The following B4GALT1 variants were observed in gnomAD, a reference collection of about 807,000 sequenced individuals.
B4GALT1 encodes beta-1,4-galactosyltransferase 1.
In B4GALT1, 16 loss-of-function variants were observed where a neutral mutation model predicts 34.9. That is an observed-to-expected ratio of 0.46 (90% CI 0.31 to 0.70). The LOEUF is 0.70. Among genes scored for constraint, B4GALT1 ranks in the 30% least tolerant of loss-of-function variants. B4GALT1 has a pLI of 0.05. For missense variants in B4GALT1, 445 were observed against 530.5 expected (o/e 0.84, Z 1.58); for synonymous variants, 221 against 218.1 (o/e 1.01, Z -0.12).
rs761815137 is a variant in B4GALT1, at chr9:33,115,999, A to G, written c.951T>C (p.Ile317=). 1.2e-6 allele frequency: 2 copies of G among 1,611,558 alleles called. No individual in the cohort carries two copies. Among genetic ancestry groups the G allele is most frequent in the South Asian group, 2.2e-5 (2 of 91,038 alleles). The change falls in exon 4 of 6, where the codon ATT becomes ATC. Residue 317 remains isoleucine, a synonymous_variant. Transcript: ENST00000379731. ...TAAGTTATGACCATTACCTGTTAAA[A>G]ATGTCATCATCTTCTCCTCCCCAGC... ...YWGWGGEDDD[I]FNRLVFRGMS... is the part of the protein sequence containing the mutation.
rs1350562437 is a variant in B4GALT1 at position 33,152,241 on chromosome 9, T to G, written c.412+14517A>C. ...ATCGCTTGAACCCAGGAGGCAGAGG[T>G]TGCAGTGAGCCGAGATTTCACCACT... On this transcript the variant is annotated intron_variant, in intron 1 of 5. Transcript: ENST00000379731. Among the ~76,000 whole-genome samples the G allele has an allele frequency of 2.6e-5, 4 of 151,580 alleles. No individual in the cohort carries two copies. The East Asian group carries it at 7.8e-4, about 29-fold the overall frequency.
intron 1 of B4GALT1, among the ~76,000 whole-genome samples, chr9:33,161,565 T>C (rs1415629005): frequency 6.6e-6 from 1 of 152,138 alleles, no homozygotes; most frequent in Non-Finnish European, 1.5e-5. Flanking sequence ...TCCCATGCCT[T>C]GTTAATTCCC....
In B4GALT1 at chr9:33,135,331, G is replaced by C; in HGVS notation, c.506C>G (p.Pro169Arg). The C allele has an allele frequency of 6.2e-7, 1 of 1,614,188 alleles. No homozygotes were observed. The highest frequency in any genetic ancestry group is 8.5e-7 in the Non-Finnish European group (1 of 1,180,032). ...CTTGTGAGGAGAGACGCAGTCCCTG[G>C]GGGCATAGCGGCCGCCCATCTTCAC... is the stretch of plus-strand genomic sequence containing the variant. ...PNVKMGGRYA[P>R]RDCVSPHKVA... The change falls in exon 2 of 6, where the codon CCC (proline) becomes CGC (arginine). Residue 169 changes from proline (P) to arginine (R), a missense_variant. Physicochemically the swap from Pro to Arg is moderately radical, Grantham distance 103. Transcript: ENST00000379731.
intron 1 of B4GALT1, among the ~76,000 whole-genome samples, chr9:33,145,258 T>C (rs1357166021): frequency 6.6e-6 from 1 of 152,134 alleles, no homozygotes; most frequent in African/African-American, 2.4e-5. Context: ...AGGCCTAGCA[T>C]CTGACACTTT....
intron 1 of B4GALT1, among the ~76,000 whole-genome samples, chr9:33,150,320 C>T (rs547326139): frequency 1.6e-3 from 244 of 148,572 alleles, no homozygotes; most frequent in African/African-American, 5.7e-3. Flanking sequence ...AAAATGTTAA[C>T]ATTTAGGGAC....
At chr9:33,146,303 C>T (rs1840424367) in intron 1 of B4GALT1, among the ~76,000 whole-genome samples, 1 of 152,236 alleles carries the variant, frequency 6.6e-6, no homozygotes. Context: ...GGCCTACTTG[C>T]CTATAAACTC....
intron 1 of B4GALT1, among the ~76,000 whole-genome samples, chr9:33,148,799 A>G (rs538804845): frequency 3.9e-4 from 48 of 124,038 alleles, no homozygotes; most frequent in South Asian, 2.9e-3. Context: ...TGCTGTGCCT[A>G]AAAGTAAAAA....
chr9:33,142,527 A>G lies in B4GALT1; in HGVS notation c.413-7103T>C, dbSNP rs564467363. Among the ~76,000 whole-genome samples, 8 of 152,272 alleles carry G rather than the reference A, an allele frequency of 5.3e-5. No individual in the cohort carries two copies. The South Asian group carries it at 1.7e-3, about 32-fold the overall frequency. ...ATATGTCTTGGGTACACCACACACAAACACAAGTTCAACACCCCCAACACC... is the reference window on the plus strand; with the variant it reads ...ATATGTCTTGGGTACACCACACACAGACACAAGTTCAACACCCCCAACACC... On this transcript the variant is annotated intron_variant, in intron 1 of 5. Coordinates refer to ENST00000379731, the MANE Select transcript of B4GALT1 (RefSeq NM_001497.4).
At chr9:33,178,501 T>C in the B4GALT1 span, among the ~76,000 whole-genome samples, 1 of 152,216 alleles carries the variant, frequency 6.6e-6, no homozygotes, top group Non-Finnish European at 1.5e-5. Flanking sequence ...TTACCATCTA[T>C]ATTTTGTTCT....
chr9:33,145,153 T>C (rs940712421), intron 1 of B4GALT1, among the ~76,000 whole-genome samples: 4 of 152,112 alleles, frequency 2.6e-5, no homozygotes, highest in Non-Finnish European at 5.9e-5. Context: ...AGGCCTTTTG[T>C]TTCTAGGTTT....
intron 1 of B4GALT1, among the ~76,000 whole-genome samples, chr9:33,163,885 C>T (rs1002946494): frequency 4.6e-5 from 7 of 152,134 alleles, no homozygotes; most frequent in Non-Finnish European, 8.8e-5. Flanking sequence ...AGGAAAGGCC[C>T]CCCTTCCCAC....
chr9:33,105,873 C>A (rs955901566), downstream of B4GALT1, among the ~76,000 whole-genome samples: 4 of 123,096 alleles, frequency 3.2e-5, no homozygotes, highest in African/African-American at 1.1e-4. Flanking sequence ...CATCAATGGA[C>A]TCGTGGGTTT....
intron 1 of B4GALT1, among the ~76,000 whole-genome samples, chr9:33,165,270 A>T (rs994657489): frequency 6.6e-6 from 1 of 151,910 alleles, no homozygotes; most frequent in African/African-American, 2.4e-5. Flanking sequence ...GCCCAGCCTG[A>T]GTGCCTGTAT....
chr9:33,179,538 C>T, the B4GALT1 span: 1 of 152,360 alleles, frequency 6.6e-6, no homozygotes, highest in African/African-American at 2.4e-5. Context: ...ACTGAACCAA[C>T]TATTAAGCCT....
At chr9:33,108,929 AATATTTATGCTAGGAGAATC>A, downstream of B4GALT1, among the ~76,000 whole-genome samples, 1 of 151,394 alleles carries the variant, frequency 6.6e-6, no homozygotes, top group Non-Finnish European at 1.5e-5. Flanking sequence ...CTTTTGTTCT[AATATTTATGCTAGGAGAATC>A]TTTTGTTCTA....
upstream of B4GALT1, chr9:33,167,368 G>A (rs541679153): frequency 7.7e-5 from 46 of 595,348 alleles, no homozygotes; most frequent in South Asian, 2.6e-3. Context: ...CCGGCGGAGA[G>A]GGGAGGGGCG....
chr9:33,161,453 G>T (rs1392922623), intron 1 of B4GALT1, among the ~76,000 whole-genome samples: 1 of 152,098 alleles, frequency 6.6e-6, no homozygotes, highest in Admixed American at 6.5e-5. Context: ...TCAACACAGA[G>T]GCCCCTACAA....
At chr9:33,136,890 A>C (rs1257163308) in intron 1 of B4GALT1, among the ~76,000 whole-genome samples, 1 of 152,164 alleles carries the variant, frequency 6.6e-6, no homozygotes, top group African/African-American at 2.4e-5. Flanking sequence ...GTGGCTCTCC[A>C]AGCACCCCCT....
chr9:33,105,119 C>T (rs1839786193), intron 2 of B4GALT1, among the ~76,000 whole-genome samples: 1 of 152,040 alleles, frequency 6.6e-6, no homozygotes, highest in Non-Finnish European at 1.5e-5. Flanking sequence ...TCACTGCGCC[C>T]GGCCTCCACA....
Sources: gnomAD v4.1 joint callset for allele counts (sites outside exome capture counted in the v4.1 genomes callset) on GRCh38, gnomAD v4.1.1 for gene constraint, MANE v1.5 for transcripts, NCBI Gene and HGNC (gene_info 2026-07-23, HGNC 2026-07-21) for gene names.